The following PARD6G variants were observed in gnomAD, a reference collection of about 807,000 sequenced individuals.
PARD6G encodes par-6 family cell polarity regulator gamma.
A neutral mutation model predicts 10.7 loss-of-function variants in PARD6G; 7 were observed. The observed-to-expected ratio is 0.66, with a 90% confidence interval of 0.37 to 1.23. PARD6G has a LOEUF of 1.23. Ranked by LOEUF, PARD6G falls within the 50% of genes most tolerant of loss-of-function variation. The pLI is 0.02. For missense variants in PARD6G, 548 were observed against 571.8 expected (o/e 0.96, Z 0.42); for synonymous variants, 287 against 269.4 (o/e 1.07, Z -0.64).
Position 80,192,353 on chromosome 18 carries a change from C to T in PARD6G, c.295+10357G>A, listed in dbSNP as rs944588882. ...GTTTAGCTGCCACTTGGGAGCAGAT[C>T]TGTTTTGGAGCCCTTAGGTGAGGCC... On this transcript the variant is annotated intron_variant, in intron 2 of 2. Coordinates refer to ENST00000353265, the MANE Select transcript of PARD6G (RefSeq NM_032510.4). The surrounding 1 kb of genome is among the most constrained non-coding windows in gnomAD (Gnocchi z 4.9). Among the ~76,000 whole-genome samples, 1 of 152,252 alleles carries T rather than the reference C, an allele frequency of 6.6e-6. No homozygotes were observed. Among genetic ancestry groups the T allele is most frequent in the Non-Finnish European group, 1.5e-5 (1 of 68,042 alleles).
At chr18:80,214,794 A>C (rs1967146305) in intron 1 of PARD6G, among the ~76,000 whole-genome samples, 1 of 152,186 alleles carries the variant, frequency 6.6e-6, no homozygotes. Flanking sequence ...GCTATTTGGA[A>C]AAATAATAGC....
At chr18:80,214,774 A>G (rs2145289730) in intron 1 of PARD6G, among the ~76,000 whole-genome samples, 1 of 152,316 alleles carries the variant, frequency 6.6e-6, no homozygotes, top group East Asian at 1.9e-4. Context: ...GAGGAAAAAA[A>G]GGCAGAAAGG....
chr18:80,186,083 C>T lies in PARD6G; in HGVS notation c.295+16627G>A, dbSNP rs548334803. 2.5e-4 allele frequency among the ~76,000 whole-genome samples: 37 copies of T among 147,540 alleles called. 1 individual carries two copies. Among genetic ancestry groups the T allele is most frequent in the Admixed American group, 2.4e-3 (36 of 14,696 alleles). ...GCACCCACACAGGCACCCTCACACTCGCATATACAGTCACATATGCTTGCA... is the reference window on the plus strand; with the variant it reads ...GCACCCACACAGGCACCCTCACACTTGCATATACAGTCACATATGCTTGCA... On this transcript the variant is annotated intron_variant, in intron 2 of 2. Coordinates refer to ENST00000353265, the MANE Select transcript of PARD6G (RefSeq NM_032510.4).
chr18:80,207,949 G>C (rs2145284526), intron 1 of PARD6G, among the ~76,000 whole-genome samples: 1 of 152,318 alleles, frequency 6.6e-6, no homozygotes, highest in South Asian at 2.1e-4. Context: ...TTTCTGATTA[G>C]AAAAGAGCTC....
At chr18:80,179,873 A>G (rs2052839076) in intron 2 of PARD6G, among the ~76,000 whole-genome samples, 1 of 152,230 alleles carries the variant, frequency 6.6e-6, no homozygotes, top group Admixed American at 6.5e-5. Flanking sequence ...CCTGAAGTTT[A>G]TATTTTGGTT....
chr18:80,246,207 A>G lies in PARD6G; in HGVS notation c.72+1070T>C, dbSNP rs1278156349. On this transcript the variant is annotated intron_variant, in intron 1 of 2. Coordinates refer to ENST00000353265, the MANE Select transcript of PARD6G (RefSeq NM_032510.4). The surrounding 1 kb of genome is among the most constrained non-coding windows in gnomAD (Gnocchi z 6.7). The stretch of plus-strand genomic sequence containing the variant: ...ACTCTGAGAACCGGGGTGCGAAGAA[A>G]GAAAGGGCGAAAGGGCCGCTCAACT... 6.6e-6 allele frequency among the ~76,000 whole-genome samples: 1 copy of G among 152,138 alleles called. No homozygotes were observed. Among genetic ancestry groups the G allele is most frequent in the Admixed American group, 6.5e-5 (1 of 15,284 alleles).
rs555469404 is a variant in PARD6G, at chr18:80,194,829, G to A, written c.295+7881C>T. The stretch of plus-strand genomic sequence containing the variant: ...TACCCATGGGAACAGAGAAACCTGC[G>A]TGTGAGGTGTCAGCATGAGGAGACC... On this transcript the variant is annotated intron_variant, in intron 2 of 2. Transcript: ENST00000353265. 1.2e-4 allele frequency among the ~76,000 whole-genome samples: 19 copies of A among 152,318 alleles called. No homozygotes were observed. In the South Asian group the frequency reaches 1.4e-3, roughly 12 times the overall value.
intron 2 of PARD6G, among the ~76,000 whole-genome samples, chr18:80,172,781 G>A (rs1453814301): frequency 2.0e-5 from 3 of 152,188 alleles, no homozygotes; most frequent in Admixed American, 6.5e-5. Flanking sequence ...TCCATTTTGT[G>A]AGGGGTTCTG....
intron 1 of PARD6G, among the ~76,000 whole-genome samples, chr18:80,237,294 C>T (rs1329778973): frequency 6.6e-6 from 1 of 152,026 alleles, no homozygotes; most frequent in Admixed American, 6.6e-5. Context: ...AACTGGCTAG[C>T]CATATGTAGA....
At position 80,161,924 on chromosome 18, in the gene PARD6G, G is replaced by GA. The variant is rs2052703247; in HGVS notation, c.296-1319dup. ...TGGGGAATGCTGGTTGACAGTTCTG[G>GA]AAAGGACTCGAAGACAAATTACTTC... is the stretch of plus-strand genomic sequence containing the variant. On this transcript the variant is annotated intron_variant, in intron 2 of 2. Transcript: ENST00000353265. The surrounding 1 kb of genome is among the most constrained non-coding windows in gnomAD (Gnocchi z 4.6). 6.6e-6 allele frequency: 1 copy of GA among 152,342 alleles called. No individual in the cohort carries two copies. Among genetic ancestry groups the GA allele is most frequent in the African/African-American group, 2.4e-5 (1 of 41,460 alleles). The allele number at this position is 152,342 out of a possible 1,614,324, so 9.4% of individuals were successfully genotyped here.
At chr18:80,194,345 T>C (rs1966930317) in intron 2 of PARD6G, among the ~76,000 whole-genome samples, 1 of 152,188 alleles carries the variant, frequency 6.6e-6, no homozygotes. Context: ...CCCTAACTCA[T>C]GGATACATGA....
At chr18:80,234,655 C>T (rs1967398639) in intron 1 of PARD6G, among the ~76,000 whole-genome samples, 1 of 151,984 alleles carries the variant, frequency 6.6e-6, no homozygotes, top group Non-Finnish European at 1.5e-5. Flanking sequence ...CACCTGTAGT[C>T]CCAGCTACTC....
intron 2 of PARD6G, among the ~76,000 whole-genome samples, chr18:80,163,769 C>T (rs2052716980): frequency 6.6e-6 from 1 of 152,204 alleles, no homozygotes; most frequent in South Asian, 2.1e-4. Flanking sequence ...GGGTTCCCTG[C>T]ACCAATAAAA....
chr18:80,215,044 T>C (rs929036687), intron 1 of PARD6G, among the ~76,000 whole-genome samples: 2 of 149,926 alleles, frequency 1.3e-5, no homozygotes, highest in Non-Finnish European at 3.0e-5. Context: ...AAAAAATCCA[T>C]GGAGACCAAA....
intron 1 of PARD6G, among the ~76,000 whole-genome samples, chr18:80,216,652 C>T (rs1041289524): frequency 2.0e-5 from 3 of 151,918 alleles, no homozygotes; most frequent in Non-Finnish European, 4.4e-5. Flanking sequence ...CTGTAAACAC[C>T]TATATTTAAA....
Position 80,182,163 on chromosome 18 carries a change from C to CT in PARD6G, c.295+20546dup, listed in dbSNP as rs1253196156. On this transcript the variant is annotated intron_variant, in intron 2 of 2. Transcript: ENST00000353265. This position sits in a 1 kb window ranked among gnomAD's most constrained non-coding sequence, Gnocchi z 4.5. ...CCCACTTCCACAACTGCGACCTTGT[C>CT]TTTGACCTTGAACTTCTGTCTCCTC... 6.6e-6 allele frequency among the ~76,000 whole-genome samples: 1 copy of CT among 152,226 alleles called. No individual in the cohort carries two copies. Among genetic ancestry groups the CT allele is most frequent in the East Asian group, 1.9e-4 (1 of 5,200 alleles).
In PARD6G at chr18:80,201,561, G is replaced by A. The variant is rs541988385; in HGVS notation, c.295+1149C>T. On this transcript the variant is annotated intron_variant, in intron 2 of 2. Coordinates refer to ENST00000353265, the MANE Select transcript of PARD6G (RefSeq NM_032510.4). This position sits in a 1 kb window ranked among gnomAD's most constrained non-coding sequence, Gnocchi z 5.9. ...CGTCAGCAGGATACCCAGGCCCAGT[G>A]AGAACTGCAGATGCAGAGTGTTCTG... Among the ~76,000 whole-genome samples the A allele has an allele frequency of 6.6e-6, 1 of 152,352 alleles. No homozygotes were observed.
intron 2 of PARD6G, 133 bp from the exon 3 acceptor site, chr18:80,160,739 C>G: frequency 7.6e-7 from 1 of 1,316,786 alleles, no homozygotes; most frequent in Non-Finnish European, 9.8e-7. Context: ...CATTCCAGAC[C>G]TGCAGGCTGA....
At chr18:80,219,584 G>A (rs1967208190) in intron 1 of PARD6G, among the ~76,000 whole-genome samples, 1 of 152,128 alleles carries the variant, frequency 6.6e-6, no homozygotes, top group African/African-American at 2.4e-5. Flanking sequence ...TGAATGCTTT[G>A]CTAGTTAGGA....
Sources: gnomAD v4.1 joint callset for allele counts (sites outside exome capture counted in the v4.1 genomes callset) on GRCh38, gnomAD v4.1.1 for gene constraint, Gnocchi (gnomAD v3.1) non-coding constraint, MANE v1.5 for transcripts, NCBI Gene and HGNC (gene_info 2026-07-23, HGNC 2026-07-21) for gene names.